The following AXDND1 variants were observed in gnomAD, a reference collection of about 807,000 sequenced individuals.
AXDND1 encodes axonemal dynein light chain domain containing 1, also known as axonemal dynein light chain domain-containing protein 1.
In AXDND1, 110 loss-of-function variants were observed where a neutral mutation model predicts 137.5. That is an observed-to-expected ratio of 0.80 (90% CI 0.69 to 0.94). The LOEUF (loss-of-function observed/expected upper bound fraction) is 0.94, where lower values mean the gene tolerates loss of function less well. Among genes scored for constraint, AXDND1 ranks in the 40% least tolerant of loss-of-function variants. The pLI is 0.00. For missense variants in AXDND1, 1,191 were observed against 1,169.8 expected, an observed-to-expected ratio of 1.02 and a Z score of -0.26; for synonymous variants, 414 against 399.7, an observed-to-expected ratio of 1.04 and a Z score of -0.43.
chr1:179,373,665 T>C (rs1668273763), intron 4 of AXDND1, among the ~76,000 whole-genome samples: 1 of 151,988 alleles, frequency 6.6e-6, no homozygotes, highest in South Asian at 2.1e-4. Flanking sequence ...GCCTCCGAAA[T>C]AACACCACAC....
At chr1:179,507,879 C>T (rs1467625100) in intron 20 of AXDND1, among the ~76,000 whole-genome samples, 1 of 152,174 alleles carries the variant, frequency 6.6e-6, no homozygotes, top group Admixed American at 6.5e-5. Context: ...GCCTTGTCCA[C>T]TCTTCTTCCT....
At chr1:179,478,975 C>T (rs558562338) in intron 17 of AXDND1, among the ~76,000 whole-genome samples, 5 of 152,040 alleles carry the variant, frequency 3.3e-5, no homozygotes, top group Non-Finnish European at 7.4e-5. Context: ...TGGCACATGC[C>T]TGTAGTCCCA....
chr1:179,387,695 G>C (rs1453646961), intron 9 of AXDND1, among the ~76,000 whole-genome samples: 2 of 152,324 alleles, frequency 1.3e-5, no homozygotes, highest in African/African-American at 4.8e-5. Context: ...TGGGACAAGA[G>C]CAGTGCCCAA....
intron 11 of AXDND1, among the ~76,000 whole-genome samples, chr1:179,401,456 A>G (rs1249160772): frequency 1.3e-5 from 2 of 152,168 alleles, no homozygotes; most frequent in Non-Finnish European, 2.9e-5. Flanking sequence ...TGTGCTTTCT[A>G]AAAAATTGAT....
At chr1:179,472,494 A>G (rs1031846694) in intron 17 of AXDND1, among the ~76,000 whole-genome samples, 1 of 152,192 alleles carries the variant, frequency 6.6e-6, no homozygotes, top group African/African-American at 2.4e-5. Context: ...AAAGTGTTCT[A>G]GAGATGTCTG....
intron 16 of AXDND1, among the ~76,000 whole-genome samples, chr1:179,465,064 C>T (rs914330223): frequency 1.3e-5 from 2 of 152,122 alleles, no homozygotes; most frequent in South Asian, 2.1e-4. Context: ...GTTTGAACAT[C>T]CTCCTTTAGC....
intron 12 of AXDND1, among the ~76,000 whole-genome samples, chr1:179,426,933 T>A (rs6425545): frequency 6.6e-6 from 1 of 151,880 alleles, no homozygotes; most frequent in African/African-American, 2.4e-5. Flanking sequence ...AGGCTGAGGC[T>A]GGTGGATGGC....
Position 179,534,795 on chromosome 1 carries a change from A to G in AXDND1, c.2864A>G (p.His955Arg), listed in dbSNP as rs774915332. 6.2e-7 allele frequency: 1 copy of G among 1,606,664 alleles called. No homozygotes were observed. Among genetic ancestry groups the G allele is most frequent in the Non-Finnish European group, 8.5e-7 (1 of 1,178,450 alleles). ...GAAGATGCATATGAGAAACTTCATCATACCCTTATAAAAAATAAAGATCTA... is the reference window on the plus strand; with the variant it reads ...GAAGATGCATATGAGAAACTTCATCGTACCCTTATAAAAAATAAAGATCTA... The part of the protein sequence containing the change: ...KFEDAYEKLH[H>R]TLIKNKDLEE... Residue 955 changes from histidine (H) to arginine (R), a missense_variant, in exon 25 of 26, where the codon CAT becomes CGT. Coordinates refer to ENST00000367618, the MANE Select transcript of AXDND1 (RefSeq NM_144696.6).
rs180832544 is a variant in AXDND1, at chr1:179,488,943, C to G, written c.2092-2595C>G. On this transcript the variant is annotated intron_variant, in intron 18 of 25. Transcript: ENST00000367618. Reference sequence around the variant, plus strand: ...AGAGACCAGGTTTCACCATCTTGGCCAGGCTGGTCTTGAACTCCTGACCTC... The same window carrying G: ...AGAGACCAGGTTTCACCATCTTGGCGAGGCTGGTCTTGAACTCCTGACCTC... Among the ~76,000 whole-genome samples, 160 of 145,862 alleles carry G rather than the reference C, an allele frequency of 1.1e-3. 10 individuals are homozygous for G. Among genetic ancestry groups the G allele is most frequent in the Non-Finnish European group, 9.3e-4 (62 of 66,820 alleles).
intron 19 of AXDND1, 47 bp downstream of exon 19, chr1:179,491,784 C>T: frequency 5.6e-6 from 8 of 1,439,792 alleles, no homozygotes; most frequent in Non-Finnish European, 7.4e-6. Context: ...TTGAATGTCG[C>T]ATATAACAGA....
intron 12 of AXDND1, among the ~76,000 whole-genome samples, chr1:179,418,543 T>C (rs1320736736): frequency 6.6e-6 from 1 of 151,750 alleles, no homozygotes; most frequent in Non-Finnish European, 1.5e-5. Flanking sequence ...GCAGAGGGGC[T>C]CCCCACTTCC....
Position 179,468,590 on chromosome 1 carries a change from T to G in AXDND1, c.1946T>G (p.Leu649Trp). 1 of 1,612,796 alleles carries G rather than the reference T, an allele frequency of 6.2e-7. No homozygotes were observed. Among genetic ancestry groups the G allele is most frequent in the African/African-American group, 1.3e-5 (1 of 75,030 alleles). The change falls in exon 17 of 26, where the codon TTG becomes TGG. Residue 649 changes from leucine (L) to tryptophan (W), a missense_variant. Physicochemically the swap from Leu to Trp is moderately conservative, Grantham distance 61. Coordinates refer to ENST00000367618, the MANE Select transcript of AXDND1 (RefSeq NM_144696.6). ...INEMKSHLDI[L>W]LNLTGIVPQH... ...GAAATGAAATCACACTTGGATATAT[T>G]GTTAAACCTTACTGGTATTGTTCCA... is the stretch of plus-strand genomic sequence containing the variant.
intron 2 of AXDND1, among the ~76,000 whole-genome samples, chr1:179,368,522 GT>G (rs1330940120): frequency 1.3e-5 from 2 of 152,156 alleles, no homozygotes; most frequent in East Asian, 3.8e-4. Context: ...AATGAGTTTA[GT>G]TTTCAACTTT....
Position 179,492,929 on chromosome 1 carries a change from T to C in AXDND1, c.2366T>C (p.Leu789Pro). 1 of 1,608,294 alleles carries C rather than the reference T, an allele frequency of 6.2e-7. No individual in the cohort carries two copies. Among genetic ancestry groups the C allele is most frequent in the East Asian group, 2.2e-5 (1 of 44,648 alleles). Residue 789 changes from leucine (L) to proline (P), a missense_variant, in exon 20 of 26, where the codon CTT becomes CCT. By Grantham distance (98) the Leu-to-Pro change is moderately conservative. Coordinates refer to ENST00000367618, the MANE Select transcript of AXDND1 (RefSeq NM_144696.6). ...TNSHKNATEDLYEVDKLKKEC... is the reference protein window; with the variant it reads ...TNSHKNATEDPYEVDKLKKEC... ...TCACACAAAAATGCTACTGAAGACC[T>C]TTATGAGGTGGATAAGTTGAAGGTA...
intron 12 of AXDND1, among the ~76,000 whole-genome samples, chr1:179,426,709 A>G: frequency 6.6e-6 from 1 of 152,250 alleles, no homozygotes; most frequent in East Asian, 1.9e-4. Context: ...AAGGGAAATT[A>G]TAGTTATTCA....
intron 20 of AXDND1, among the ~76,000 whole-genome samples, chr1:179,495,036 T>G (rs973416652): frequency 2.0e-5 from 3 of 152,212 alleles, no homozygotes; most frequent in African/African-American, 7.2e-5. Context: ...GGTATTATTC[T>G]GGACATTCTG....
At chr1:179,460,152 C>A (rs921283554) in intron 16 of AXDND1, among the ~76,000 whole-genome samples, 2 of 151,938 alleles carry the variant, frequency 1.3e-5, no homozygotes, top group Admixed American at 1.3e-4. Context: ...ATTAACTCAT[C>A]ATTTACATTA....
intron 16 of AXDND1, among the ~76,000 whole-genome samples, chr1:179,459,988 TTTCC>T (rs1238536955): frequency 1.3e-4 from 17 of 131,090 alleles, no homozygotes; most frequent in East Asian, 2.5e-4. Flanking sequence ...TCTTTCTTTC[TTTCC>T]TTCCTTCCTT....
intron 20 of AXDND1, among the ~76,000 whole-genome samples, chr1:179,505,684 T>C (rs939436904): frequency 6.6e-6 from 1 of 151,392 alleles, no homozygotes; most frequent in Admixed American, 6.6e-5. Flanking sequence ...CAGAAAAAAA[T>C]TGAAGATCTC....
Sources: allele counts gnomAD v4.1 joint callset (sites outside exome capture counted in the v4.1 genomes callset), GRCh38; gene constraint gnomAD v4.1.1; transcripts MANE v1.5; gene names NCBI Gene and HGNC (gene_info 2026-07-23, HGNC 2026-07-21).